SLC29A4: variants seen among roughly 807,000 people sequenced by gnomAD.
SLC29A4 encodes solute carrier family 29 member 4.
In SLC29A4, 36 loss-of-function variants were observed where a neutral mutation model predicts 43.9. The observed-to-expected ratio is 0.82, with a 90% CI of 0.63 to 1.08. SLC29A4 has a LOEUF of 1.08. Ranked by LOEUF, SLC29A4 falls within the 50% of genes least tolerant of loss-of-function variation. The pLI is 0.00. For synonymous variants in SLC29A4, 491 were observed against 338.0 expected (o/e 1.45, Z -4.97); for missense variants, 869 against 755.3 (o/e 1.15, Z -1.77).
Position 5,303,145 on chromosome 7 carries a change from C to G in SLC29A4, c.*206C>G, listed in dbSNP as rs531795029. The G allele has an allele frequency of 1.6e-6, 1 of 633,964 alleles. No homozygotes were observed. Among genetic ancestry groups the G allele is most frequent in the Non-Finnish European group, 2.7e-6 (1 of 369,388 alleles). The allele number at this position is 633,964 out of a possible 1,614,324, so 39.3% of individuals were successfully genotyped here. A position where few individuals can be genotyped will look rare whatever the true frequency, so the allele number is the denominator to read the frequency against. ...CGAGGACCGGAACACGTTTCTGCGA[C>G]CCGGGGCTCTGGCCAGCACTGTGTT... On this transcript the variant is annotated 3_prime_UTR_variant, in exon 11 of 11. Coordinates refer to ENST00000396872, the MANE Select transcript of SLC29A4 (RefSeq NM_153247.4).
At chr7:5,293,164 T>C (rs888906816) in intron 5 of SLC29A4, among the ~76,000 whole-genome samples, 60 of 119,636 alleles carry the variant, frequency 5.0e-4, no homozygotes, top group African/African-American at 1.9e-3. Flanking sequence ...TTTTTTCTCT[T>C]TTTTTTTTTT....
chr7:5,284,261 G>A (rs1046678908), intron 1 of SLC29A4, among the ~76,000 whole-genome samples: 2 of 152,216 alleles, frequency 1.3e-5, no homozygotes, highest in African/African-American at 2.4e-5. Flanking sequence ...GGGGAGAGCG[G>A]TGGGAGCCCT....
chr7:5,288,884 C>T (rs1477183714), intron 2 of SLC29A4, among the ~76,000 whole-genome samples: 1 of 152,112 alleles, frequency 6.6e-6, no homozygotes, highest in Non-Finnish European at 1.5e-5. Flanking sequence ...TTCAAGCCTA[C>T]CTCCCATCCT....
intron 1 of SLC29A4, among the ~76,000 whole-genome samples, chr7:5,284,413 AGGT>A (rs1239565623): frequency 6.6e-6 from 1 of 152,016 alleles, no homozygotes; most frequent in Non-Finnish European, 1.5e-5. Context: ...CTGAGTTGTG[AGGT>A]GGGGAAACTG....
In SLC29A4 at chr7:5,290,685, G is replaced by A. The variant is rs773044570; in HGVS notation, c.170-47G>A. ...GACATCGCCCTGTGCGGTGACTGTA[G>A]CCATGCGTGGAGCGTGCCCCGTCTC... On this transcript the variant is annotated intron_variant, in intron 2 of 10. Transcript: ENST00000396872. 3.2e-6 allele frequency: 5 copies of A among 1,573,810 alleles called. No homozygotes were observed. The Admixed American group carries it at 6.9e-5, about 22-fold the overall frequency.
chr7:5,283,401 C>T (rs1479326252), intron 1 of SLC29A4, among the ~76,000 whole-genome samples: 2 of 151,956 alleles, frequency 1.3e-5, no homozygotes, highest in African/African-American at 4.8e-5. Context: ...CACCCCATCG[C>T]TCCCCTGCCC....
intron 10 of SLC29A4, among the ~76,000 whole-genome samples, chr7:5,301,460 G>GA (rs1171062023): frequency 1.3e-5 from 2 of 152,114 alleles, no homozygotes; most frequent in Admixed American, 1.3e-4. Flanking sequence ...TAGCAAGGGA[G>GA]ATAGCCATGT....
At chr7:5,297,646 C>T (rs1315993939) in intron 7 of SLC29A4, among the ~76,000 whole-genome samples, 1 of 152,090 alleles carries the variant, frequency 6.6e-6, no homozygotes, top group Admixed American at 6.5e-5. Context: ...AGCTCACAGC[C>T]TTCCTCCCTA....
Position 5,299,363 on chromosome 7 carries a change from T to C in SLC29A4, c.1145T>C (p.Ile382Thr), listed in dbSNP as rs372350514. ...PGLESEIRHCILGEWLPILIM... is the reference protein window; with the variant it reads ...PGLESEIRHCTLGEWLPILIM... ...CTCGAGTCTGAGATCCGCCACTGCA[T>C]CCTGGGCGAGTGGCTGCCCATCCTC... Residue 382 changes from isoleucine to threonine, a missense_variant, in exon 9 of 11, where the codon ATC becomes ACC. By Grantham distance (89) the Ile-to-Thr change is moderately conservative. Coordinates refer to ENST00000396872, the MANE Select transcript of SLC29A4 (RefSeq NM_153247.4). 8.7e-6 allele frequency: 14 copies of C among 1,612,208 alleles called. No individual in the cohort carries two copies. Among genetic ancestry groups the C allele is most frequent in the Non-Finnish European group, 1.2e-5 (14 of 1,179,844 alleles).
chr7:5,296,797 GC>G (rs1353045113), intron 6 of SLC29A4, 138 bp from the exon 7 acceptor site: 1 of 959,098 alleles, frequency 1.0e-6, no homozygotes, highest in Non-Finnish European at 1.4e-6. Flanking sequence ...GGAGGGCGGG[GC>G]CTGTGGGTGG....
At chr7:5,295,320 C>T (rs893427605) in intron 6 of SLC29A4, among the ~76,000 whole-genome samples, 4 of 152,110 alleles carry the variant, frequency 2.6e-5, no homozygotes, top group Non-Finnish European at 5.9e-5. Context: ...CCTACAGCAC[C>T]GCGCTCTCCT....
rs71529388 is a variant in SLC29A4 at position 5,303,497 on chromosome 7, C to T, written c.*558C>T. The stretch of plus-strand genomic sequence containing the variant: ...GAGACTGCTTCTCCCAAACATAACG[C>T]GTTAGCCATGAAGGAGTCGGAGCCC... On this transcript the variant is annotated 3_prime_UTR_variant, in exon 11 of 11. Coordinates refer to ENST00000396872, the MANE Select transcript of SLC29A4 (RefSeq NM_153247.4). The T allele has an allele frequency of 0.18, 28,299 of 157,866 alleles. 2,991 individuals carry two copies. The highest frequency in any genetic ancestry group is 0.23 in the Non-Finnish European group (16,509 of 72,248). The allele number at this position is 157,866 out of a possible 1,614,324, so 9.8% of individuals were successfully genotyped here.
chr7:5,294,084 C>T (rs553176421), intron 5 of SLC29A4, among the ~76,000 whole-genome samples: 121 of 150,832 alleles, frequency 8.0e-4, no homozygotes, highest in African/African-American at 2.6e-3. Flanking sequence ...CCAGCCCAGA[C>T]GACAGTGCGA....
intron 7 of SLC29A4, 120 bp from the exon 8 acceptor site, chr7:5,298,868 G>A: frequency 9.2e-7 from 1 of 1,090,048 alleles, no homozygotes; most frequent in South Asian, 1.6e-5. Flanking sequence ...CACACAGTAG[G>A]TACCACCTGA....
Position 5,304,971 on chromosome 7 carries a change from C to G in SLC29A4, c.*2032C>G, listed in dbSNP as rs917947799. On this transcript the variant is annotated 3_prime_UTR_variant, in exon 11 of 11. Transcript: ENST00000396872. Reference sequence around the variant, plus strand: ...AGCTGTGAATACAGGCGCGTGCCACCACGTCTGGCCAGATTCTTTTATTTT... The same window carrying G: ...AGCTGTGAATACAGGCGCGTGCCACGACGTCTGGCCAGATTCTTTTATTTT... 7 of 152,266 alleles carry G rather than the reference C, an allele frequency of 4.6e-5. No homozygotes were observed. Among genetic ancestry groups the G allele is most frequent in the African/African-American group, 1.2e-4 (5 of 41,444 alleles). The allele number at this position is 152,266 out of a possible 1,614,324, so 9.4% of individuals were successfully genotyped here.
chr7:5,283,381 C>CCCCCCGCGCCACCCCATCGCTCCCCTG (rs1562436489), intron 1 of SLC29A4, among the ~76,000 whole-genome samples: 1 of 151,986 alleles, frequency 6.6e-6, no homozygotes, highest in African/African-American at 2.4e-5. Flanking sequence ...CTCCCCGGAC[C>CCCCCCGCGCCACCCCATCGCTCCCCTG]CCCCCGCGCC....
chr7:5,287,005 G>C lies in SLC29A4; in HGVS notation c.-8-804G>C, dbSNP rs549485474. Among the ~76,000 whole-genome samples the C allele has an allele frequency of 3.9e-5, 6 of 152,226 alleles. No homozygotes were observed. In the South Asian group the frequency reaches 1.2e-3, roughly 32 times the overall value. On this transcript the variant is annotated intron_variant, in intron 1 of 10. Coordinates refer to ENST00000396872, the MANE Select transcript of SLC29A4 (RefSeq NM_153247.4). The stretch of plus-strand genomic sequence containing the variant: ...TCCTCCACTCCATCTATTTCTCACC[G>C]TGCCCACTGCCACCATGCAGGCCAC...
At chr7:5,294,820 T>C (rs1785536347) in intron 5 of SLC29A4, 40 bp from the exon 6 acceptor site, 2 of 1,591,374 alleles carry the variant, frequency 1.3e-6, no homozygotes, top group Admixed American at 3.4e-5. Context: ...TGACAGGTGA[T>C]AATGGTGCCT....
At chr7:5,298,947 C>A in intron 7 of SLC29A4, 41 bp from the exon 8 acceptor site, 3 of 1,589,786 alleles carry the variant, frequency 1.9e-6, no homozygotes, top group Non-Finnish European at 2.6e-6. Context: ...CTCCTGTCCT[C>A]CCTTCCACTC....
Sources: gnomAD v4.1 joint callset for allele counts (sites outside exome capture counted in the v4.1 genomes callset) on GRCh38, gnomAD v4.1.1 for gene constraint, MANE v1.5 for transcripts, NCBI Gene and HGNC (gene_info 2026-07-23, HGNC 2026-07-21) for gene names.